The following LRP1B variants were observed in gnomAD, a reference collection of about 807,000 sequenced individuals.
LRP1B encodes the protein low-density lipoprotein receptor-related protein 1B.
A neutral mutation model predicts 556.6 loss-of-function variants in LRP1B; 217 were observed. The ratio of observed to expected loss-of-function variants is 0.39; its 90% CI spans 0.35 to 0.44. The LOEUF (loss-of-function observed/expected upper bound fraction) is 0.44. Among genes scored for constraint, LRP1B ranks in the 20% least tolerant of loss-of-function variants. The pLI, the probability that LRP1B is intolerant of heterozygous loss-of-function variation, is 1.00. For missense variants in LRP1B, 5,053 were observed against 5,620.8 expected, an observed-to-expected ratio of 0.90 and a Z score of 3.23; for synonymous variants, 2,047 against 1,865.8, an observed-to-expected ratio of 1.10 and a Z score of -2.50.
chr2:140,733,397 G>A (rs189925855), intron 35 of LRP1B, among the ~76,000 whole-genome samples: 100 of 152,168 alleles, frequency 6.6e-4, no homozygotes, highest in African/African-American at 2.3e-3. Context: ...AACTATGTCC[G>A]CAGAAAGCTG....
Position 141,013,647 on chromosome 2 carries a change from T to C in LRP1B, c.2289A>G (p.Gln763=), listed in dbSNP as rs1449893740. 1.9e-6 allele frequency: 3 copies of C among 1,612,520 alleles called. No homozygotes were observed. In the South Asian group the frequency reaches 3.3e-5, roughly 18 times the overall value. The stretch of plus-strand genomic sequence containing the variant: ...TCACCTCACTTGTTATCAAATCTAG[T>C]TGAAAAATGGAACCATTCATATAAT... ...WTDYMNGSIF[Q]LDLITSEVTL... Residue 763 remains glutamine, a synonymous_variant, in exon 14 of 91, where the codon CAA becomes CAG. Transcript: ENST00000389484.
At chr2:140,729,911 A>G (rs1376398798) in intron 35 of LRP1B, among the ~76,000 whole-genome samples, 15 of 152,204 alleles carry the variant, frequency 9.9e-5, no homozygotes. Flanking sequence ...CAGATTCAAC[A>G]TGTCACTAAA....
chr2:140,267,063 G>A (rs868476872), intron 86 of LRP1B, among the ~76,000 whole-genome samples: 74 of 151,902 alleles, frequency 4.9e-4, no homozygotes, highest in African/African-American at 1.8e-3. Flanking sequence ...TCTATGAAAA[G>A]GGAATAACAA....
intron 2 of LRP1B, among the ~76,000 whole-genome samples, chr2:141,785,965 A>G (rs1695419928): frequency 6.6e-6 from 1 of 151,874 alleles, no homozygotes; most frequent in Non-Finnish European, 1.5e-5. Context: ...CAATTCACTA[A>G]TATTTGCAAA....
chr2:141,447,031 A>G (rs922232889), intron 3 of LRP1B, among the ~76,000 whole-genome samples: 5 of 152,064 alleles, frequency 3.3e-5, no homozygotes, highest in African/African-American at 4.8e-5. Flanking sequence ...CCGTTCTTCC[A>G]TCACTTTCAG....
chr2:141,592,165 T>C (rs989662541), intron 2 of LRP1B, among the ~76,000 whole-genome samples: 6 of 152,164 alleles, frequency 3.9e-5, no homozygotes, highest in African/African-American at 1.4e-4. Flanking sequence ...ATACTTATTG[T>C]TTATATGGCT....
chr2:141,725,881 G>C (rs573624148), intron 2 of LRP1B, among the ~76,000 whole-genome samples: 1 of 151,534 alleles, frequency 6.6e-6, no homozygotes, highest in African/African-American at 2.4e-5. Context: ...TCTGTAATAT[G>C]TTTCCACCCT....
At position 140,621,927 on chromosome 2, in the gene LRP1B, T is replaced by G. The variant is rs530002325; in HGVS notation, c.6800-20288A>C. Among the ~76,000 whole-genome samples the G allele has an allele frequency of 2.0e-5, 3 of 152,354 alleles. No homozygotes were observed. In the South Asian group the frequency reaches 6.2e-4, roughly 32 times the overall value. On this transcript the variant is annotated intron_variant, in intron 41 of 90. Coordinates refer to ENST00000389484, the MANE Select transcript of LRP1B (RefSeq NM_018557.3). ...AAATCAATAATTGAAGAAGTCATAT[T>G]AGCTATTCAGTTTTATTCAGCACCC...
chr2:141,882,764 G>C (rs922569905), intron 1 of LRP1B, among the ~76,000 whole-genome samples: 14 of 152,274 alleles, frequency 9.2e-5, no homozygotes, highest in African/African-American at 2.9e-4. Context: ...CTGGAGTGCA[G>C]TTGCACAATC....
intron 7 of LRP1B, among the ~76,000 whole-genome samples, chr2:141,129,037 G>A (rs1701286078): frequency 6.6e-6 from 1 of 152,086 alleles, no homozygotes; most frequent in African/African-American, 2.4e-5. Flanking sequence ...TATGATAAAT[G>A]TACTAAGTTA....
intron 49 of LRP1B, among the ~76,000 whole-genome samples, chr2:140,520,149 A>G (rs1163698928): frequency 1.3e-5 from 2 of 152,188 alleles, no homozygotes; most frequent in South Asian, 4.1e-4. Flanking sequence ...ATAAACACAC[A>G]TGCACATGTA....
chr2:141,499,054 A>C (rs986564704), intron 2 of LRP1B, among the ~76,000 whole-genome samples: 2 of 152,106 alleles, frequency 1.3e-5, no homozygotes, highest in Non-Finnish European at 2.9e-5. Flanking sequence ...ACAGAAGAGA[A>C]TTCATTGTTA....
At chr2:140,267,001 G>C (rs543344628) in intron 86 of LRP1B, among the ~76,000 whole-genome samples, 11 of 151,970 alleles carry the variant, frequency 7.2e-5, no homozygotes, top group Non-Finnish European at 1.3e-4. Context: ...AACAGGACTG[G>C]TCTGAGTCTC....
chr2:141,981,193 A>G (rs1702033730), intron 1 of LRP1B, among the ~76,000 whole-genome samples: 1 of 152,062 alleles, frequency 6.6e-6, no homozygotes, highest in African/African-American at 2.4e-5. Context: ...ACTATGTATC[A>G]TAGGACTGAC....
At position 140,764,700 on chromosome 2, in the gene LRP1B, C is replaced by T. The variant is rs183810819; in HGVS notation, c.5758+4513G>A. On this transcript the variant is annotated intron_variant, in intron 35 of 90. Coordinates refer to ENST00000389484, the MANE Select transcript of LRP1B (RefSeq NM_018557.3). Reference sequence around the variant, plus strand: ...AAGTAGAGTTCCCATATATTCCTTCCGCCATACACAAACAGCCTTGCCCAC... The same window carrying T: ...AAGTAGAGTTCCCATATATTCCTTCTGCCATACACAAACAGCCTTGCCCAC... 2.3e-3 allele frequency among the ~76,000 whole-genome samples: 355 copies of T among 152,166 alleles called. 1 individual carries two copies. Among genetic ancestry groups the T allele is most frequent in the Non-Finnish European group, 4.1e-3 (281 of 67,994 alleles).
intron 3 of LRP1B, among the ~76,000 whole-genome samples, chr2:141,348,167 T>A (rs1471180857): frequency 6.6e-6 from 1 of 152,060 alleles, no homozygotes; most frequent in Non-Finnish European, 1.5e-5. Context: ...TATGTCTGAA[T>A]CAGCTTTTCC....
intron 35 of LRP1B, among the ~76,000 whole-genome samples, chr2:140,717,865 T>C (rs1687266666): frequency 6.6e-6 from 1 of 152,108 alleles, no homozygotes; most frequent in African/African-American, 2.4e-5. Context: ...CAGGAAAAGA[T>C]TCCAAATAAT....
Position 140,297,954 on chromosome 2 carries a change from C to T in LRP1B, c.12821G>A (p.Ser4274Asn), listed in dbSNP as rs1683674400. ...TGGCCCAGTGAAACCCAGTGCACAG[C>T]TGCAGGTGGGTCTCCCTATTGGAAA... Reference protein sequence around the residue: ...VPSVLGRPTCSCALGFTGPNC... With the variant: ...VPSVLGRPTCNCALGFTGPNC... Residue 4274 changes from serine (S) to asparagine (N), a missense_variant, in exon 84 of 91, where the codon AGC (serine) becomes AAC (asparagine). By Grantham distance (46) the Ser-to-Asn change is conservative. Around this residue, in one of 5 missense-constraint regions of LRP1B, gnomAD observed 551 missense variants for 592.0 expected, o/e 0.93. Coordinates refer to ENST00000389484, the MANE Select transcript of LRP1B (RefSeq NM_018557.3). 6.2e-7 allele frequency: 1 copy of T among 1,609,010 alleles called. No homozygotes were observed. The highest frequency in any genetic ancestry group is 1.7e-5 in the Admixed American group (1 of 59,806).
intron 84 of LRP1B, among the ~76,000 whole-genome samples, chr2:140,288,867 C>CT (rs374243542): frequency 6.3e-4 from 96 of 151,914 alleles, no homozygotes; most frequent in African/African-American, 2.1e-3. Context: ...CTTTACACTG[C>CT]TTTGTATATG....
Sources: gnomAD v4.1 joint callset for allele counts (sites outside exome capture counted in the v4.1 genomes callset) on GRCh38, gnomAD v4.1.1 for gene constraint, gnomAD v4.1.1 regional missense constraint, MANE v1.5 for transcripts, NCBI Gene and HGNC (gene_info 2026-07-23, HGNC 2026-07-21) for gene names.